The following CD99 variants were observed in gnomAD, a reference collection of about 807,000 sequenced individuals.
The protein encoded by CD99 is CD99 molecule (Xg blood group).
CD99 carries 19 observed loss-of-function variants against 28.4 expected under a neutral mutation model. The ratio of observed to expected loss-of-function variants is 0.67; its 90% CI spans 0.47 to 0.98. CD99 has a LOEUF of 0.98. Ranked by LOEUF, CD99 falls within the 50% of genes least tolerant of loss-of-function variation. CD99 has a pLI of 0.00. For synonymous variants in CD99, 103 were observed against 92.1 expected, an observed-to-expected ratio of 1.12 and a Z score of -0.67; for missense variants, 283 against 248.8, an observed-to-expected ratio of 1.14 and a Z score of -0.92.
In CD99 at chrX:2,696,893, CAG is replaced by C. The variant is rs751188227; in HGVS notation, c.67+5467_67+5468del. The stretch of plus-strand genomic sequence containing the variant: ...TTTTCGGCTTTGTTTTAGTATGACT[CAG>C]GGTTGCCACCATGCCTTGTACGGTC... On this transcript the variant is annotated intron_variant, in intron 1 of 9. Coordinates refer to ENST00000381192, the MANE Select transcript of CD99 (RefSeq NM_002414.5). 4.6e-5 allele frequency among the ~76,000 whole-genome samples: 7 copies of C among 152,216 alleles called. No individual in the cohort carries two copies. The East Asian group carries it at 1.4e-3, about 29-fold the overall frequency.
At chrX:2,695,516 A>G (rs1288467759) in intron 1 of CD99, among the ~76,000 whole-genome samples, 2 of 152,046 alleles carry the variant, frequency 1.3e-5, no homozygotes, top group African/African-American at 4.8e-5. Context: ...GGCTCAAGCA[A>G]TCCTTCCACC....
chrX:2,729,109 T>C (rs753396831), intron 8 of CD99, among the ~76,000 whole-genome samples: 2 of 152,332 alleles, frequency 1.3e-5, no homozygotes, highest in East Asian at 3.9e-4. Flanking sequence ...GTGTTGGGAT[T>C]ATAGGCGTGA....
intron 1 of CD99, among the ~76,000 whole-genome samples, chrX:2,706,279 G>C (rs2048111404): frequency 6.6e-6 from 1 of 152,104 alleles, no homozygotes; most frequent in Non-Finnish European, 1.5e-5. Context: ...AGAATGGTGT[G>C]AACCCGGGAG....
At chrX:2,721,620 A>C (rs2048996412) in intron 5 of CD99, among the ~76,000 whole-genome samples, 1 of 152,208 alleles carries the variant, frequency 6.6e-6, no homozygotes. Flanking sequence ...AATGAAATAA[A>C]TTTTAAATAA....
chrX:2,729,382 A>C (rs1246585190), intron 8 of CD99, among the ~76,000 whole-genome samples: 8 of 152,124 alleles, frequency 5.3e-5, no homozygotes, highest in Admixed American at 4.6e-4. Flanking sequence ...ATAATTCATG[A>C]AGGAAAGAGG....
chrX:2,727,268 G>A (rs762310941), intron 8 of CD99: 23 of 777,418 alleles, frequency 3.0e-5, no homozygotes, highest in Middle Eastern at 2.2e-4. Flanking sequence ...GGAGGAGGAC[G>A]TACTCACCAT....
intron 5 of CD99, among the ~76,000 whole-genome samples, chrX:2,721,508 C>T (rs1044001630): frequency 7.2e-5 from 11 of 152,202 alleles, no homozygotes; most frequent in African/African-American, 2.6e-4. Context: ...GTTGCCCAGG[C>T]TGGTCTGAAA....
chrX:2,717,507 A>G, intron 2 of CD99, 98 bp from the exon 3 acceptor site: 1 of 979,228 alleles, frequency 1.0e-6, no homozygotes, highest in Middle Eastern at 2.1e-4. Flanking sequence ...ACATTCTCCG[A>G]CTGTTTCCAA....
At chrX:2,727,138 A>AAAAAC (rs949678283) in intron 8 of CD99, among the ~76,000 whole-genome samples, 9 of 152,178 alleles carry the variant, frequency 5.9e-5, no homozygotes, top group Non-Finnish European at 1.2e-4. Flanking sequence ...CTCCGTCTCA[A>AAAAAC]AAAACAAAAC....
At chrX:2,719,513 C>T in intron 3 of CD99, 148 bp from the exon 4 acceptor site, 1 of 710,168 alleles carries the variant, frequency 1.4e-6, no homozygotes, top group Non-Finnish European at 2.5e-6. Flanking sequence ...CAGGAATTCA[C>T]TTTTTCTAAT....
At chrX:2,731,970 TA>T (rs113396691) in intron 8 of CD99, among the ~76,000 whole-genome samples, 214 of 147,696 alleles carry the variant, frequency 1.4e-3, no homozygotes, top group African/African-American at 4.5e-3. Context: ...ACAAAAAACG[TA>T]AAAAAAAAAA....
chrX:2,737,349 T>C (rs2049997267), intron 8 of CD99, among the ~76,000 whole-genome samples: 1 of 150,062 alleles, frequency 6.7e-6, no homozygotes, highest in South Asian at 2.1e-4. Context: ...AGCTAATTTT[T>C]GTATTTTTAA....
chrX:2,725,492 G>A (rs973435959), intron 7 of CD99, among the ~76,000 whole-genome samples: 10 of 152,202 alleles, frequency 6.6e-5, no homozygotes, highest in African/African-American at 2.4e-4. Flanking sequence ...TGAAAAAGGA[G>A]CATTCTAACG....
At chrX:2,738,066 G>T in intron 8 of CD99, 134 bp from the exon 9 acceptor site, 1 of 815,244 alleles carries the variant, frequency 1.2e-6, no homozygotes, top group East Asian at 2.4e-5. Context: ...TGGGTCTCGG[G>T]GTTCAGAACT....
chrX:2,720,315 G>C (rs751007812), intron 4 of CD99, 41 bp from the exon 5 acceptor site: 1 of 1,586,924 alleles, frequency 6.3e-7, no homozygotes, highest in South Asian at 1.1e-5. Flanking sequence ...TTTCTTTACT[G>C]CAAGGCACTT....
chrX:2,708,273 T>C (rs2048217055), intron 1 of CD99, among the ~76,000 whole-genome samples: 1 of 151,986 alleles, frequency 6.6e-6, no homozygotes, highest in Non-Finnish European at 1.5e-5. Context: ...GAACGTCTGA[T>C]TATGGGTGAT....
intron 8 of CD99, among the ~76,000 whole-genome samples, chrX:2,728,138 C>T (rs1050019196): frequency 2.0e-5 from 3 of 150,172 alleles, no homozygotes; most frequent in African/African-American, 4.9e-5. Context: ...TTGGGCAGTG[C>T]GTGGAAGACA....
chrX:2,691,739 TC>T (rs771979582), intron 1 of CD99: 1 of 728,736 alleles, frequency 1.4e-6, no homozygotes, highest in East Asian at 2.6e-5. Flanking sequence ...CTTACAGATC[TC>T]TCTCCCTTTG....
chrX:2,711,704 A>C (rs979357886), intron 1 of CD99, among the ~76,000 whole-genome samples: 4 of 152,166 alleles, frequency 2.6e-5, no homozygotes, highest in African/African-American at 9.7e-5. Flanking sequence ...TGAACAAAGA[A>C]AATAGGGTAT....
Sources: allele counts gnomAD v4.1 joint callset (sites outside exome capture counted in the v4.1 genomes callset), GRCh38; gene constraint gnomAD v4.1.1; transcripts MANE v1.5; gene names NCBI Gene and HGNC (gene_info 2026-07-23, HGNC 2026-07-21).